Variants in TTC29 observed in about 807,000 individuals in gnomAD.
TTC29 encodes tetratricopeptide repeat domain 29, also known as tetratricopeptide repeat protein 29.
A neutral mutation model predicts 58.1 loss-of-function variants in TTC29; 49 were observed. That is an observed-to-expected ratio of 0.84 (90% CI 0.67 to 1.07). TTC29 has a LOEUF of 1.07. TTC29 is among the 50% of genes least tolerant of loss of function. TTC29 has a pLI of 0.00. For synonymous variants in TTC29, 209 were observed against 196.8 expected (o/e 1.06, Z -0.52); for missense variants, 582 against 555.6 (o/e 1.05, Z -0.48).
intron 4 of TTC29, among the ~76,000 whole-genome samples, chr4:146,929,252 G>GT (rs1386228589): frequency 6.6e-6 from 1 of 152,100 alleles, no homozygotes; most frequent in East Asian, 1.9e-4. Context: ...ATGAAACAGA[G>GT]TAAGGTCAAC....
chr4:146,767,390 C>G (rs1747407143), intron 11 of TTC29, among the ~76,000 whole-genome samples: 1 of 151,952 alleles, frequency 6.6e-6, no homozygotes, highest in Non-Finnish European at 1.5e-5. Flanking sequence ...TTAGATCTTT[C>G]CCTACCTTTC....
intron 11 of TTC29, among the ~76,000 whole-genome samples, chr4:146,794,372 G>C (rs1253066185): frequency 6.6e-6 from 1 of 152,044 alleles, no homozygotes. Flanking sequence ...TATTATGATA[G>C]AAGGAAATTA....
chr4:146,758,003 A>C (rs762498029), intron 11 of TTC29, among the ~76,000 whole-genome samples: 4 of 152,144 alleles, frequency 2.6e-5, no homozygotes, highest in Non-Finnish European at 5.9e-5. Flanking sequence ...CAATATTAAC[A>C]TTGACTGTAA....
At chr4:146,754,602 A>T (rs928434496) in intron 11 of TTC29, among the ~76,000 whole-genome samples, 2 of 152,198 alleles carry the variant, frequency 1.3e-5, no homozygotes, top group African/African-American at 4.8e-5. Flanking sequence ...CCTGGCATAT[A>T]AGGCTGGTTT....
At chr4:146,833,338 G>A (rs1728290833) in intron 9 of TTC29, among the ~76,000 whole-genome samples, 1 of 152,080 alleles carries the variant, frequency 6.6e-6, no homozygotes, top group East Asian at 1.9e-4. Flanking sequence ...TGAAATATTG[G>A]GAATATTGGT....
Position 146,853,150 on chromosome 4 carries a change from T to C in TTC29, c.885+14348A>G, listed in dbSNP as rs997784396. Reference sequence around the variant, plus strand: ...AATAGTTTACTTTTTAAGTAGTTTTTCTTTTATTTTTTATTACAAAATCAA... The same window carrying C: ...AATAGTTTACTTTTTAAGTAGTTTTCCTTTTATTTTTTATTACAAAATCAA... On this transcript the variant is annotated intron_variant, in intron 8 of 12. Transcript: ENST00000325106. Among the ~76,000 whole-genome samples the C allele has an allele frequency of 8.5e-5, 13 of 152,250 alleles. No homozygotes were observed. In the South Asian group the frequency reaches 1.0e-3, roughly 12 times the overall value.
At chr4:146,903,131 G>A (rs1733266272) in intron 6 of TTC29, among the ~76,000 whole-genome samples, 1 of 151,978 alleles carries the variant, frequency 6.6e-6, no homozygotes, top group East Asian at 1.9e-4. Context: ...TTACATTCAG[G>A]AATTATTTTA....
At chr4:146,761,865 G>A (rs544293812) in intron 11 of TTC29, among the ~76,000 whole-genome samples, 1 of 151,856 alleles carries the variant, frequency 6.6e-6, no homozygotes, top group South Asian at 2.1e-4. Flanking sequence ...TTAGGAATTT[G>A]AGAAACGTTG....
intron 11 of TTC29, among the ~76,000 whole-genome samples, chr4:146,745,679 C>T (rs1242321854): frequency 1.3e-5 from 2 of 152,204 alleles, no homozygotes; most frequent in African/African-American, 4.8e-5. Flanking sequence ...TCTTCTGATA[C>T]ACACTAATGT....
intron 8 of TTC29, among the ~76,000 whole-genome samples, chr4:146,841,131 C>T (rs1398118738): frequency 6.6e-6 from 1 of 152,092 alleles, no homozygotes; most frequent in South Asian, 2.1e-4. Context: ...TAACAGTAGT[C>T]TTTTGCAGGA....
At chr4:146,848,167 CAA>C (rs1411148986) in intron 8 of TTC29, among the ~76,000 whole-genome samples, 1 of 152,226 alleles carries the variant, frequency 6.6e-6, no homozygotes, top group Admixed American at 6.5e-5. Flanking sequence ...GAGTGGAAGG[CAA>C]AGTTTTCTTT....
At chr4:146,894,356 A>T (rs552743162) in intron 6 of TTC29, among the ~76,000 whole-genome samples, 1 of 152,134 alleles carries the variant, frequency 6.6e-6, no homozygotes, top group Admixed American at 6.5e-5. Flanking sequence ...AGCCATAAAA[A>T]ATGATGAGTT....
At chr4:146,709,206 T>G (rs1742306278) in intron 11 of TTC29, among the ~76,000 whole-genome samples, 1 of 152,134 alleles carries the variant, frequency 6.6e-6, no homozygotes, top group African/African-American at 2.4e-5. Context: ...TCCTTTACAT[T>G]ACCACAGCCA....
At chr4:146,821,992 T>TG (rs1307743146) in intron 9 of TTC29, among the ~76,000 whole-genome samples, 6 of 151,102 alleles carry the variant, frequency 4.0e-5, no homozygotes, top group South Asian at 2.1e-4. Context: ...AGTGTTTTTT[T>TG]TTTTTTTTTT....
At chr4:146,818,827 C>T (rs1751617594) in intron 10 of TTC29, among the ~76,000 whole-genome samples, 2 of 151,800 alleles carry the variant, frequency 1.3e-5, no homozygotes, top group Non-Finnish European at 2.9e-5. Context: ...AGTAAACTAT[C>T]GCAAGGACAA....
At chr4:146,742,159 C>G (rs970632904) in intron 11 of TTC29, among the ~76,000 whole-genome samples, 7 of 152,166 alleles carry the variant, frequency 4.6e-5, no homozygotes, top group Non-Finnish European at 8.8e-5. Context: ...AACCCTGCCT[C>G]CATGGAGTCT....
At chr4:146,729,337 C>G (rs112830599) in intron 11 of TTC29, among the ~76,000 whole-genome samples, 5 of 152,208 alleles carry the variant, frequency 3.3e-5, no homozygotes, top group African/African-American at 1.2e-4. Context: ...ATTTAACTCT[C>G]TTTTCCTTTT....
chr4:146,830,153 A>G (rs1728064084), intron 9 of TTC29, among the ~76,000 whole-genome samples: 1 of 152,168 alleles, frequency 6.6e-6, no homozygotes, highest in African/African-American at 2.4e-5. Flanking sequence ...TTTCTTCACT[A>G]TTATTCCAAG....
rs1260343590 is a variant in TTC29 at position 146,894,910 on chromosome 4, G to T, written c.586+8634C>A. ...AGGTTTGCTACATAAGTAAAAGCAT[G>T]CCATGGTGGTTTACTGTACAGATCA... On this transcript the variant is annotated intron_variant, in intron 6 of 12. Transcript: ENST00000325106. Among the ~76,000 whole-genome samples, 3 of 152,030 alleles carry T rather than the reference G, an allele frequency of 2.0e-5. No individual in the cohort carries two copies. The East Asian group carries it at 5.8e-4, about 29-fold the overall frequency.
Sources: gnomAD v4.1 joint callset for allele counts (sites outside exome capture counted in the v4.1 genomes callset) on GRCh38, gnomAD v4.1.1 for gene constraint, MANE v1.5 for transcripts, NCBI Gene and HGNC (gene_info 2026-07-23, HGNC 2026-07-21) for gene names.